Variants in ATAD2B observed in about 807,000 individuals in gnomAD.
The protein encoded by ATAD2B is ATPase family AAA domain containing 2B.
A neutral mutation model predicts 167.6 loss-of-function variants in ATAD2B; 40 were observed. That is an observed-to-expected ratio of 0.24 (90% confidence interval 0.19 to 0.31). The LOEUF (loss-of-function observed/expected upper bound fraction) is 0.31. ATAD2B is among the 10% of genes least tolerant of loss of function. The probability of loss-of-function intolerance (pLI) is 1.00; values close to 1 mark genes in which losing one functional copy is unlikely to be tolerated. For synonymous variants in ATAD2B, 579 were observed against 596.5 expected (o/e 0.97, Z 0.43); for missense variants, 1,242 against 1,757.2 (o/e 0.71, Z 5.24).
chr2:23,857,274 T>C (rs1483125339), intron 13 of ATAD2B, 141 bp downstream of exon 13: 1 of 502,526 alleles, frequency 2.0e-6, no homozygotes. Context: ...ACCCCTGTAC[T>C]AAGAGAAAGA....
At chr2:23,706,231 T>C in the ATAD2B span, among the ~76,000 whole-genome samples, 4 of 152,308 alleles carry the variant, frequency 2.6e-5, no homozygotes, top group South Asian at 6.2e-4. Context: ...GGTTAGTCAC[T>C]CTGGCGGGGC....
intron 22 of ATAD2B, among the ~76,000 whole-genome samples, chr2:23,766,365 A>G (rs1175862521): frequency 6.6e-6 from 1 of 152,244 alleles, no homozygotes; most frequent in Non-Finnish European, 1.5e-5. Flanking sequence ...GGTAACTAAT[A>G]TTCTAACAGT....
chr2:23,727,164 A>C, the ATAD2B span, among the ~76,000 whole-genome samples: 1 of 152,150 alleles, frequency 6.6e-6, no homozygotes, highest in Non-Finnish European at 1.5e-5. Context: ...CAAACCCCAG[A>C]CTGGGAGAAA....
intron 14 of ATAD2B, 151 bp downstream of exon 14, chr2:23,833,768 C>A: frequency 1.6e-6 from 1 of 639,174 alleles, no homozygotes; most frequent in Non-Finnish European, 2.5e-6. Context: ...AAAAACTGTT[C>A]CATAATTACA....
intron 27 of ATAD2B, among the ~76,000 whole-genome samples, chr2:23,752,478 T>C (rs1005968337): frequency 1.1e-4 from 16 of 149,748 alleles, no homozygotes; most frequent in Non-Finnish European, 4.4e-5. Context: ...TAAGTAAATA[T>C]TTATATTTAT....
the ATAD2B span, among the ~76,000 whole-genome samples, chr2:23,682,405 C>T: frequency 2.0e-5 from 3 of 152,144 alleles, no homozygotes; most frequent in Non-Finnish European, 4.4e-5. The surrounding 1 kb of genome is among the most constrained non-coding windows in gnomAD (Gnocchi z 4.1). Flanking sequence ...GGTCTGGCTT[C>T]GAGGCTCAAC....
intron 22 of ATAD2B, among the ~76,000 whole-genome samples, chr2:23,766,554 T>C (rs919842476): frequency 6.6e-6 from 1 of 152,196 alleles, no homozygotes; most frequent in African/African-American, 2.4e-5. Flanking sequence ...ACCACTGATA[T>C]TTACTTCCAA....
At chr2:23,747,395 G>T (rs370900734), downstream of ATAD2B, among the ~76,000 whole-genome samples, 22 of 151,598 alleles carry the variant, frequency 1.5e-4, 2 homozygotes, top group South Asian at 4.2e-4. Context: ...TATGGGCAGG[G>T]TTTAGATTCT....
chr2:23,822,654 G>T (rs1198968673), intron 16 of ATAD2B, among the ~76,000 whole-genome samples: 1 of 149,966 alleles, frequency 6.7e-6, no homozygotes, highest in African/African-American at 2.5e-5. Flanking sequence ...GGTGGCTCAC[G>T]CCTGTAATCC....
the ATAD2B span, among the ~76,000 whole-genome samples, chr2:23,712,284 AATGGGATAGAC>A: frequency 6.6e-6 from 1 of 152,242 alleles, no homozygotes; most frequent in Non-Finnish European, 1.5e-5. Context: ...GAACTCTGTG[AATGGGATAGAC>A]ATTCAGCTCT....
At chr2:23,769,459 AT>A (rs938411449) in intron 22 of ATAD2B, among the ~76,000 whole-genome samples, 5 of 152,190 alleles carry the variant, frequency 3.3e-5, no homozygotes, top group Admixed American at 3.3e-4. Flanking sequence ...TTATAAATAA[AT>A]AAATAAAATG....
At chr2:23,831,014 C>CA (rs1294322784) in intron 14 of ATAD2B, among the ~76,000 whole-genome samples, 1 of 152,092 alleles carries the variant, frequency 6.6e-6, no homozygotes, top group Non-Finnish European at 1.5e-5. Context: ...ATAACCCAAT[C>CA]AAAGTCACTT....
the ATAD2B span, chr2:23,693,576 C>T: frequency 2.0e-6 from 3 of 1,524,934 alleles, no homozygotes; most frequent in South Asian, 2.4e-5. Context: ...TTTGGGGTCC[C>T]CCTGCGGCAA....
At chr2:23,842,500 T>A (rs1691078643) in intron 13 of ATAD2B, among the ~76,000 whole-genome samples, 1 of 152,062 alleles carries the variant, frequency 6.6e-6, no homozygotes, top group African/African-American at 2.4e-5. Flanking sequence ...GGAAACACGG[T>A]GGGAGTTCAT....
chr2:23,719,955 G>C, the ATAD2B span, among the ~76,000 whole-genome samples: 1 of 152,172 alleles, frequency 6.6e-6, no homozygotes, highest in Non-Finnish European at 1.5e-5. Context: ...CCCTGGGCAC[G>C]AGTCCTTAGC....
intron 2 of ATAD2B, among the ~76,000 whole-genome samples, chr2:23,891,523 C>T (rs975462244): frequency 1.3e-5 from 2 of 151,076 alleles, no homozygotes; most frequent in Non-Finnish European, 3.0e-5. Context: ...GGGGACAGAG[C>T]CTCACTCTGT....
intron 1 of ATAD2B, among the ~76,000 whole-genome samples, chr2:23,921,133 G>A (rs1401141139): frequency 1.6e-5 from 2 of 128,982 alleles, no homozygotes; most frequent in African/African-American, 5.9e-5. Flanking sequence ...TTGAACCTGG[G>A]AAGCGGAGGT....
intron 26 of ATAD2B, 77 bp downstream of exon 26, chr2:23,754,569 CT>C: frequency 1.3e-6 from 2 of 1,528,074 alleles, no homozygotes; most frequent in East Asian, 4.5e-5. Flanking sequence ...AGGAAAACTA[CT>C]TTTACTCAAC....
At chr2:23,922,590 A>G (rs756678393) in intron 1 of ATAD2B, among the ~76,000 whole-genome samples, 4 of 151,974 alleles carry the variant, frequency 2.6e-5, no homozygotes, top group Non-Finnish European at 4.4e-5. Context: ...TCCAAAATAC[A>G]TAGGGTACTC....
Sources: gnomAD v4.1 joint callset for allele counts (sites outside exome capture counted in the v4.1 genomes callset) on GRCh38, gnomAD v4.1.1 for gene constraint, Gnocchi (gnomAD v3.1) non-coding constraint, MANE v1.5 for transcripts, NCBI Gene and HGNC (gene_info 2026-07-23, HGNC 2026-07-21) for gene names.